Variants in TTC23L observed in about 807,000 individuals in gnomAD.
The protein encoded by TTC23L is tetratricopeptide repeat domain 23 like, also known as tetratricopeptide repeat protein 23-like.
TTC23L carries 42 observed loss-of-function variants against 48.1 expected under a neutral mutation model. That is an observed-to-expected ratio of 0.87 (90% confidence interval 0.68 to 1.13). The LOEUF is 1.13. Ranked by LOEUF, TTC23L falls within the 50% of genes most tolerant of loss-of-function variation. The pLI is 0.00. For synonymous variants in TTC23L, 159 were observed against 157.2 expected (o/e 1.01, Z -0.09); for missense variants, 391 against 421.0 (o/e 0.93, Z 0.62).
At chr5:34,882,500 C>T (rs1561151457) in intron 9 of TTC23L, among the ~76,000 whole-genome samples, 1 of 152,138 alleles carries the variant, frequency 6.6e-6, no homozygotes, top group East Asian at 1.9e-4. Context: ...TTTTATAACA[C>T]ATTTCCCATA....
chr5:34,916,468 T>C, the TTC23L span: 3 of 152,250 alleles, frequency 2.0e-5, no homozygotes, highest in Non-Finnish European at 4.4e-5. Flanking sequence ...TGTACCAAGT[T>C]AGGCTTCCTT....
At chr5:34,908,735 G>A in the TTC23L span, 1 of 1,533,292 alleles carries the variant, frequency 6.5e-7, no homozygotes, top group Admixed American at 2.0e-5. Flanking sequence ...TATCATAAAT[G>A]TACACATAAA....
At position 34,864,434 on chromosome 5, in the gene TTC23L, C is replaced by G. The variant is rs1202185071; in HGVS notation, c.537-3C>G. 1 of 1,613,418 alleles carries G rather than the reference C, an allele frequency of 6.2e-7. No homozygotes were observed. Among genetic ancestry groups the G allele is most frequent in the Non-Finnish European group, 8.5e-7 (1 of 1,179,604 alleles). On this transcript the variant is annotated splice_polypyrimidine_tract_variant and splice_region_variant and intron_variant, in intron 5 of 10. Coordinates refer to ENST00000505624, the Ensembl canonical transcript of TTC23L. ...TGCTTGCCATTTTCCTTGACTATTT[C>G]ACTGGCAGAGAAGCCTATTTCAACC...
intron 1 of TTC23L, among the ~76,000 whole-genome samples, chr5:34,840,326 G>A (rs1016877591): frequency 3.4e-5 from 5 of 146,280 alleles, no homozygotes; most frequent in African/African-American, 1.3e-4. Flanking sequence ...AATCCAACAC[G>A]CCGTCAGACC....
At chr5:34,880,653 T>G (rs558800589) in intron 9 of TTC23L, 11 of 430,526 alleles carry the variant, frequency 2.6e-5, no homozygotes, top group Admixed American at 8.3e-5. Flanking sequence ...AACTTTTTTT[T>G]TTTTTTTGAG....
At chr5:34,897,217 T>A (rs921762075) in intron 10 of TTC23L, among the ~76,000 whole-genome samples, 4 of 151,804 alleles carry the variant, frequency 2.6e-5, no homozygotes, top group Non-Finnish European at 5.9e-5. Flanking sequence ...AAACCCAGTC[T>A]CTACTAAAAT....
the TTC23L span, chr5:34,911,424 A>C: frequency 1.8e-6 from 2 of 1,086,502 alleles, no homozygotes; most frequent in Non-Finnish European, 2.7e-6. Context: ...ATGAGGTAAG[A>C]GTACAAGCTG....
chr5:34,889,590 G>A (rs1008370372), intron 9 of TTC23L, among the ~76,000 whole-genome samples: 2 of 152,156 alleles, frequency 1.3e-5, no homozygotes, highest in African/African-American at 4.8e-5. Context: ...TTACCCAGAG[G>A]AGGATGTTCT....
intron 10 of TTC23L, 89 bp downstream of exon 10, chr5:34,896,964 TGG>T: frequency 1.9e-6 from 1 of 538,464 alleles, no homozygotes. Context: ...GCCAGTTCTC[TGG>T]GGGAGGAAGA....
At chr5:34,883,146 T>A (rs535035272) in intron 9 of TTC23L, 24 of 152,864 alleles carry the variant, frequency 1.6e-4, no homozygotes, top group African/African-American at 5.8e-4. Context: ...TCTGGTCACA[T>A]ACATGCAAAT....
chr5:34,860,812 C>G (rs540198438), intron 4 of TTC23L: 1 of 152,140 alleles, frequency 6.6e-6, no homozygotes, highest in South Asian at 2.1e-4. Context: ...TTCCTCATAT[C>G]TACTATTTTT....
the TTC23L span, chr5:34,911,463 G>A: frequency 4.1e-6 from 6 of 1,452,224 alleles, no homozygotes; most frequent in Non-Finnish European, 5.6e-6. Context: ...CTAAAAATGT[G>A]GATAATAAAA....
intron 8 of TTC23L, among the ~76,000 whole-genome samples, chr5:34,877,206 A>G (rs1015943090): frequency 6.6e-6 from 1 of 152,182 alleles, no homozygotes; most frequent in Non-Finnish European, 1.5e-5. Flanking sequence ...TAAAGAAGAA[A>G]AATCACATAA....
intron 9 of TTC23L, among the ~76,000 whole-genome samples, chr5:34,891,867 A>G (rs1009091501): frequency 1.3e-5 from 2 of 152,222 alleles, no homozygotes; most frequent in African/African-American, 4.8e-5. Context: ...AGGAGATCTA[A>G]TTCAGACCTT....
At chr5:34,876,369 G>A (rs545946003) in intron 8 of TTC23L, among the ~76,000 whole-genome samples, 1 of 151,362 alleles carries the variant, frequency 6.6e-6, no homozygotes, top group South Asian at 2.1e-4. Flanking sequence ...GCTCTAGCCA[G>A]GCTAAGGAAA....
At chr5:34,923,435 G>T in the TTC23L span, 8 of 566,848 alleles carry the variant, frequency 1.4e-5, no homozygotes, top group Admixed American at 6.1e-5. Context: ...CCATCATCAC[G>T]CCTGGCTAAT....
chr5:34,840,862 C>A, intron 2 of TTC23L, 123 bp downstream of exon 2: 1 of 867,182 alleles, frequency 1.2e-6, no homozygotes, highest in East Asian at 2.5e-5. Context: ...GCCTGACCAA[C>A]ATGGTGAAAC....
chr5:34,867,245 G>C, intron 7 of TTC23L, 176 bp downstream of exon 7: 1 of 676,912 alleles, frequency 1.5e-6, no homozygotes, highest in Non-Finnish European at 2.5e-6. Flanking sequence ...AAATGACCAG[G>C]CCAGAGAACA....
downstream of TTC23L, among the ~76,000 whole-genome samples, chr5:34,902,074 T>C (rs958591539): frequency 6.6e-6 from 1 of 152,204 alleles, no homozygotes; most frequent in Non-Finnish European, 1.5e-5. Context: ...GTTTGCACTA[T>C]AAATAACTTT....
Sources: gnomAD v4.1 joint callset for allele counts (sites outside exome capture counted in the v4.1 genomes callset) on GRCh38, gnomAD v4.1.1 for gene constraint, MANE v1.5 for transcripts, NCBI Gene and HGNC (gene_info 2026-07-23, HGNC 2026-07-21) for gene names.